The following CADPS2 variants were observed in gnomAD, a reference collection of about 807,000 sequenced individuals.
The protein encoded by CADPS2 is calcium dependent secretion activator 2.
Under a neutral mutation model 172.5 loss-of-function variants are expected in CADPS2, and 93 were observed. The ratio of observed to expected loss-of-function variants is 0.54; its 90% CI spans 0.46 to 0.64. The LOEUF is 0.64. CADPS2 is among the 30% of genes least tolerant of loss of function. The pLI is 0.00. For synonymous variants in CADPS2, 546 were observed against 555.2 expected (o/e 0.98, Z 0.23); for missense variants, 1,420 against 1,565.9 (o/e 0.91, Z 1.57).
chr7:122,814,264 G>C (rs984599402), intron 1 of CADPS2, among the ~76,000 whole-genome samples: 1 of 151,204 alleles, frequency 6.6e-6, no homozygotes, highest in Admixed American at 6.6e-5. Flanking sequence ...AAATTAAGGA[G>C]ACTTATACTA....
chr7:122,526,929 T>C (rs550960607), intron 8 of CADPS2, among the ~76,000 whole-genome samples: 23 of 152,328 alleles, frequency 1.5e-4, no homozygotes, highest in Admixed American at 5.9e-4. Flanking sequence ...TTCCTTCATA[T>C]GGCAGACACT....
intron 8 of CADPS2, among the ~76,000 whole-genome samples, chr7:122,535,634 T>C (rs1269907626): frequency 1.3e-5 from 2 of 152,096 alleles, no homozygotes; most frequent in East Asian, 3.8e-4. Context: ...CACACATTCC[T>C]GTAAGAACTA....
chr7:122,671,890 T>C (rs1282230800), intron 2 of CADPS2, among the ~76,000 whole-genome samples: 1 of 152,178 alleles, frequency 6.6e-6, no homozygotes, highest in African/African-American at 2.4e-5. Context: ...TACACTTGCA[T>C]AATTTAAATA....
intron 1 of CADPS2, among the ~76,000 whole-genome samples, chr7:122,777,337 A>C (rs1200478775): frequency 6.6e-6 from 1 of 152,222 alleles, no homozygotes; most frequent in Non-Finnish European, 1.5e-5. Flanking sequence ...TTCAAGATCC[A>C]GTATGGCTGT....
intron 29 of CADPS2, among the ~76,000 whole-genome samples, chr7:122,321,899 AAAC>A (rs1326329572): frequency 6.6e-6 from 1 of 152,252 alleles, no homozygotes; most frequent in Non-Finnish European, 1.5e-5. Flanking sequence ...TTAAATGGGG[AAAC>A]AACAAATGAA....
At chr7:122,739,596 G>C (rs958778471) in intron 1 of CADPS2, among the ~76,000 whole-genome samples, 1 of 152,070 alleles carries the variant, frequency 6.6e-6, no homozygotes, top group African/African-American at 2.4e-5. Context: ...TAAATGTCAG[G>C]CTTCAATATT....
intron 9 of CADPS2, among the ~76,000 whole-genome samples, chr7:122,493,817 C>T (rs1024785740): frequency 5.3e-5 from 8 of 150,894 alleles, no homozygotes; most frequent in African/African-American, 1.5e-4. Flanking sequence ...GAGAATTTTC[C>T]GTTATATTCG....
chr7:122,584,799 A>G lies in CADPS2; in HGVS notation c.1224-3509T>C, dbSNP rs78408922. Among the ~76,000 whole-genome samples, 12 of 152,088 alleles carry G rather than the reference A, an allele frequency of 7.9e-5. No homozygotes were observed. The East Asian group carries it at 2.1e-3, about 27-fold the overall frequency. On this transcript the variant is annotated intron_variant, in intron 6 of 29. Transcript: ENST00000449022. Reference sequence around the variant, plus strand: ...TGTGATTTAGAATTTCTCTCTATATATATCTTTTCCTTTTTCTTATTAAGT... The same window carrying G: ...TGTGATTTAGAATTTCTCTCTATATGTATCTTTTCCTTTTTCTTATTAAGT...
chr7:122,467,612 G>A (rs754673091), intron 14 of CADPS2, among the ~76,000 whole-genome samples: 3 of 152,300 alleles, frequency 2.0e-5, no homozygotes, highest in South Asian at 2.1e-4. Context: ...CTGAGCTGGC[G>A]TTTGTCAGGC....
intron 1 of CADPS2, among the ~76,000 whole-genome samples, chr7:122,788,733 A>G (rs1794622804): frequency 6.6e-6 from 1 of 152,070 alleles, no homozygotes. Context: ...CTTGGTATCC[A>G]CCTTTCCATG....
intron 25 of CADPS2, among the ~76,000 whole-genome samples, chr7:122,365,672 C>A (rs2040758264): frequency 6.6e-6 from 1 of 152,152 alleles, no homozygotes; most frequent in South Asian, 2.1e-4. Flanking sequence ...ACACTGTAAT[C>A]TCTTTGTTGC....
At chr7:122,715,706 C>T (rs2089493957) in intron 2 of CADPS2, among the ~76,000 whole-genome samples, 1 of 146,336 alleles carries the variant, frequency 6.8e-6, no homozygotes, top group Non-Finnish European at 1.5e-5. Flanking sequence ...CAACGCATTG[C>T]AAAGAAAAAA....
chr7:122,820,622 C>G (rs1388216241), intron 1 of CADPS2, among the ~76,000 whole-genome samples: 2 of 121,010 alleles, frequency 1.7e-5, no homozygotes, highest in Non-Finnish European at 3.4e-5. Context: ...TGCAGTGGCG[C>G]GATCTCGGCT....
intron 1 of CADPS2, among the ~76,000 whole-genome samples, chr7:122,746,670 T>G (rs2092731122): frequency 1.3e-5 from 2 of 151,810 alleles, no homozygotes; most frequent in South Asian, 4.2e-4. Flanking sequence ...CCCTCATGTT[T>G]TAAAGTTTAC....
intron 2 of CADPS2, among the ~76,000 whole-genome samples, chr7:122,723,375 A>G (rs1036861986): frequency 3.9e-5 from 6 of 152,204 alleles, no homozygotes; most frequent in Non-Finnish European, 7.4e-5. Flanking sequence ...AAGCATATGA[A>G]CAGACACTTC....
At chr7:122,827,416 G>GGAGGTTGAGGTGGGCAGATCAACT (rs55648500) in intron 1 of CADPS2, among the ~76,000 whole-genome samples, 5 of 151,574 alleles carry the variant, frequency 3.3e-5, no homozygotes, top group East Asian at 1.9e-4. Flanking sequence ...CAGCACTTTG[G>GGAGGTTGAGGTGGGCAGATCAACT]GAGGTTGGGA....
intron 27 of CADPS2, among the ~76,000 whole-genome samples, chr7:122,358,177 T>G (rs1255884466): frequency 6.6e-6 from 1 of 152,188 alleles, no homozygotes; most frequent in Non-Finnish European, 1.5e-5. Flanking sequence ...TTCTAACAAG[T>G]ACATAGTGGT....
intron 2 of CADPS2, among the ~76,000 whole-genome samples, chr7:122,665,320 C>G (rs567569873): frequency 6.6e-6 from 1 of 152,148 alleles, no homozygotes; most frequent in Non-Finnish European, 1.5e-5. Context: ...AGGTCACTCA[C>G]ACAAACTGTT....
rs913461920 is a variant in CADPS2 at position 122,835,826 on chromosome 7, G to A, written c.339+50173C>T. ...GATTGGTGCACCTGAAAGTGACGGG[G>A]AGAATGGAACCAAGTTGGAAAACAC... On this transcript the variant is annotated intron_variant, in intron 1 of 29. Coordinates refer to ENST00000449022, the MANE Select transcript of CADPS2 (RefSeq NM_017954.11). 3.5e-4 allele frequency among the ~76,000 whole-genome samples: 54 copies of A among 152,218 alleles called. 1 individual carries two copies. Among genetic ancestry groups the A allele is most frequent in the Non-Finnish European group, 6.9e-4 (47 of 68,036 alleles).
Sources: gnomAD v4.1 joint callset for allele counts (sites outside exome capture counted in the v4.1 genomes callset) on GRCh38, gnomAD v4.1.1 for gene constraint, MANE v1.5 for transcripts, NCBI Gene and HGNC (gene_info 2026-07-23, HGNC 2026-07-21) for gene names.